The following CCDC192 variants were observed in gnomAD, a reference collection of about 807,000 sequenced individuals.
CCDC192 encodes the protein coiled-coil domain-containing protein 192.
intron 2 of CCDC192, among the ~76,000 whole-genome samples, chr5:127,737,159 C>A (rs899539238): frequency 2.6e-5 from 4 of 151,776 alleles, no homozygotes; most frequent in Non-Finnish European, 5.9e-5. Context: ...CAAAGAACAT[C>A]TTCATTTCTG....
At chr5:127,918,549 C>T (rs1753596819) in intron 6 of CCDC192, among the ~76,000 whole-genome samples, 1 of 152,092 alleles carries the variant, frequency 6.6e-6, no homozygotes, top group African/African-American at 2.4e-5. Flanking sequence ...GTCCCAACCT[C>T]AAAAAAGCCC....
At chr5:127,749,677 C>T (rs1754011901) in intron 2 of CCDC192, among the ~76,000 whole-genome samples, 1 of 152,082 alleles carries the variant, frequency 6.6e-6, no homozygotes, top group South Asian at 2.1e-4. Context: ...GGAATAGTTT[C>T]AGAAGGAATG....
At chr5:127,845,649 A>G (rs1398874408) in intron 5 of CCDC192, among the ~76,000 whole-genome samples, 1 of 152,196 alleles carries the variant, frequency 6.6e-6, no homozygotes, top group Non-Finnish European at 1.5e-5. Flanking sequence ...TCCCATGTGA[A>G]TTTTGTCATA....
chr5:127,725,364 T>C (rs1043986541), intron 2 of CCDC192, among the ~76,000 whole-genome samples: 1 of 152,202 alleles, frequency 6.6e-6, no homozygotes, highest in East Asian at 1.9e-4. Flanking sequence ...GTGTGTAAAG[T>C]AGCACTGTCC....
intron 5 of CCDC192, among the ~76,000 whole-genome samples, chr5:127,871,271 A>C (rs1052907056): frequency 2.6e-5 from 4 of 152,264 alleles, no homozygotes; most frequent in African/African-American, 9.6e-5. Context: ...CAATGTAATC[A>C]TGCAGAAAAC....
chr5:127,786,095 A>G, intron 3 of CCDC192: 2 of 898,364 alleles, frequency 2.2e-6, no homozygotes, highest in Non-Finnish European at 1.8e-6. Context: ...ATGTGTCCCA[A>G]ATCTTCATTT....
chr5:127,810,666 C>T (rs1423711886), intron 5 of CCDC192, among the ~76,000 whole-genome samples: 1 of 152,186 alleles, frequency 6.6e-6, no homozygotes, highest in Non-Finnish European at 1.5e-5. Context: ...GAAGCAGCAA[C>T]ATTACTGGTG....
chr5:127,870,092 C>T (rs576986739), intron 5 of CCDC192, among the ~76,000 whole-genome samples: 66 of 152,242 alleles, frequency 4.3e-4, no homozygotes, highest in African/African-American at 1.5e-3. Context: ...GTTTTTCATT[C>T]GAGGCATTTG....
chr5:127,836,412 G>A (rs192912759), intron 5 of CCDC192, among the ~76,000 whole-genome samples: 1 of 152,234 alleles, frequency 6.6e-6, no homozygotes, highest in East Asian at 1.9e-4. Context: ...CTAGTGTTCT[G>A]GGGTCTGGTG....
chr5:127,751,687 C>T (rs1754181741), intron 2 of CCDC192, among the ~76,000 whole-genome samples: 1 of 151,978 alleles, frequency 6.6e-6, no homozygotes, highest in Non-Finnish European at 1.5e-5. Context: ...GGAAATTCTC[C>T]TGGATAATAT....
chr5:127,911,933 T>C (rs1224025018), intron 6 of CCDC192, among the ~76,000 whole-genome samples: 2 of 151,906 alleles, frequency 1.3e-5, no homozygotes, highest in Non-Finnish European at 2.9e-5. Flanking sequence ...CACCAAATTT[T>C]TTTTTTCGGA....
intron 5 of CCDC192, among the ~76,000 whole-genome samples, chr5:127,867,051 A>G (rs941539176): frequency 3.3e-5 from 5 of 152,170 alleles, no homozygotes; most frequent in African/African-American, 1.2e-4. Flanking sequence ...ATCACATGAA[A>G]TTTCACTGCC....
At chr5:127,911,309 A>G (rs1753339248) in intron 6 of CCDC192, among the ~76,000 whole-genome samples, 1 of 152,228 alleles carries the variant, frequency 6.6e-6, no homozygotes, top group African/African-American at 2.4e-5. Context: ...ACAGACATGT[A>G]GACAGGCAAA....
At chr5:127,747,604 TC>T (rs1486884877) in intron 2 of CCDC192, among the ~76,000 whole-genome samples, 8 of 152,174 alleles carry the variant, frequency 5.3e-5, no homozygotes, top group African/African-American at 1.9e-4. Context: ...TGATTTATAG[TC>T]CTTTGGGTAT....
intron 6 of CCDC192, among the ~76,000 whole-genome samples, chr5:127,915,669 C>G (rs527614004): frequency 6.6e-6 from 1 of 152,342 alleles, no homozygotes; most frequent in East Asian, 1.9e-4. Flanking sequence ...GCGTGAGCCA[C>G]TGCGCCCAGC....
chr5:127,857,002 G>A (rs1306630569), intron 5 of CCDC192, among the ~76,000 whole-genome samples: 1 of 152,200 alleles, frequency 6.6e-6, no homozygotes, highest in African/African-American at 2.4e-5. Flanking sequence ...AGACTTGCTT[G>A]ACATCAGATT....
At chr5:127,787,028 C>G (rs185491303) in intron 3 of CCDC192, 355 of 318,990 alleles carry the variant, frequency 1.1e-3, no homozygotes, top group African/African-American at 6.1e-3. Context: ...GTTCTGGCTC[C>G]GGATTTATGA....
At chr5:127,931,976 C>G (rs1754041479) in intron 6 of CCDC192, among the ~76,000 whole-genome samples, 1 of 151,624 alleles carries the variant, frequency 6.6e-6, no homozygotes, top group Non-Finnish European at 1.5e-5. Context: ...ATGGCGAAAC[C>G]CTGTTTCTAC....
intron 3 of CCDC192, among the ~76,000 whole-genome samples, chr5:127,778,855 G>A (rs1756022226): frequency 6.6e-6 from 1 of 151,496 alleles, no homozygotes; most frequent in African/African-American, 2.4e-5. Context: ...GTAATTCATG[G>A]TTTCTAGGAA....
Sources: allele counts gnomAD v4.1 joint callset (sites outside exome capture counted in the v4.1 genomes callset), GRCh38; gene constraint gnomAD v4.1.1; transcripts MANE v1.5; gene names NCBI Gene and HGNC (gene_info 2026-07-23, HGNC 2026-07-21).